PGAP1: variants seen among roughly 807,000 people sequenced by gnomAD.
PGAP1 encodes GPI inositol-deacylase.
In PGAP1, 76 loss-of-function variants were observed where a neutral mutation model predicts 127.0. The observed-to-expected ratio is 0.60, with a 90% CI of 0.50 to 0.72. PGAP1 has a LOEUF of 0.72. PGAP1 is among the 30% of genes least tolerant of loss of function. The pLI is 0.00. For synonymous variants in PGAP1, 362 were observed against 366.5 expected (o/e 0.99, Z 0.14); for missense variants, 982 against 1,071.3 (o/e 0.92, Z 1.16).
rs746201379 is a variant in PGAP1 at position 196,881,380 on chromosome 2, A to G, written c.1273-1227T>C. Among the ~76,000 whole-genome samples the G allele has an allele frequency of 3.7e-4, 56 of 152,276 alleles. 1 individual carries two copies. Among genetic ancestry groups the G allele is most frequent in the Middle Eastern group, 3.4e-3 (1 of 294 alleles). On this transcript the variant is annotated intron_variant, in intron 12 of 26. Transcript: ENST00000354764. ...ATGCTTTATATTCCTTTGGGTATAC[A>G]CCCAGTAATGGGATTACTAGGTCAA...
chr2:196,844,854 C>T (rs1198848201), intron 23 of PGAP1, among the ~76,000 whole-genome samples: 1 of 151,958 alleles, frequency 6.6e-6, no homozygotes, highest in African/African-American at 2.4e-5. Flanking sequence ...CAGGATATAC[C>T]GCTATACCTT....
intron 20 of PGAP1, among the ~76,000 whole-genome samples, chr2:196,851,238 T>C (rs1232569930): frequency 6.6e-6 from 1 of 151,954 alleles, no homozygotes; most frequent in East Asian, 1.9e-4. Flanking sequence ...CTCATGCTTG[T>C]ATACATAATA....
At chr2:196,911,799 T>A (rs1702830786) in intron 4 of PGAP1, among the ~76,000 whole-genome samples, 1 of 152,146 alleles carries the variant, frequency 6.6e-6, no homozygotes, top group African/African-American at 2.4e-5. Flanking sequence ...CATTTAATTC[T>A]TATTCTGTGA....
chr2:196,915,939 A>G (rs1450503251), intron 3 of PGAP1, among the ~76,000 whole-genome samples: 1 of 152,132 alleles, frequency 6.6e-6, no homozygotes, highest in African/African-American at 2.4e-5. Flanking sequence ...TACTTGCCCC[A>G]TAGTCTGGAA....
rs1364192556 is a variant in PGAP1 at position 196,902,701 on chromosome 2, G to A, written c.691C>T (p.Arg231Ter). The part of the protein sequence containing the change: ...TVNNYWILNA[R>*]HINLTTLSVA... The stretch of plus-strand genomic sequence containing the variant: ...GAAAGTGTGGTTAAATTTATGTGTC[G>A]AGCATTTAGAATCCAATAGTTGTTT... Residue 231 changes from arginine to a stop codon, truncating the protein, a stop_gained, in exon 5 of 27, where the codon CGA (arginine) becomes TGA (stop). Coordinates refer to ENST00000354764, the MANE Select transcript of PGAP1 (RefSeq NM_024989.4). LOFTEE classifies it high-confidence loss of function. 3 of 1,611,716 alleles carry A rather than the reference G, an allele frequency of 1.9e-6. No homozygotes were observed. The highest frequency in any genetic ancestry group is 1.7e-6 in the Non-Finnish European group (2 of 1,178,326).
chr2:196,879,142 T>C (rs537667973), intron 13 of PGAP1, among the ~76,000 whole-genome samples: 14 of 152,136 alleles, frequency 9.2e-5, no homozygotes, highest in Non-Finnish European at 2.1e-4. Flanking sequence ...GGCATAATCA[T>C]AGCATACTAC....
At position 196,875,822 on chromosome 2, in the gene PGAP1, C is replaced by A; in HGVS notation, c.1351-1G>T. 1 of 1,394,590 alleles carries A rather than the reference C, an allele frequency of 7.2e-7. No homozygotes were observed. Among genetic ancestry groups the A allele is most frequent in the Admixed American group, 1.8e-5 (1 of 56,208 alleles). 86.4% of individuals were successfully genotyped at this position (1,394,590 alleles called of 1,614,324 possible). On this transcript the variant is annotated splice_acceptor_variant, in intron 13 of 26. Transcript: ENST00000354764. LOFTEE classifies it high-confidence loss of function. Reference sequence around the variant, plus strand: ...TAAAGAATTCACAATCTACAACAAACTGAAATATAAAACATTGATTTATTA... The same window carrying A: ...TAAAGAATTCACAATCTACAACAAAATGAAATATAAAACATTGATTTATTA...
At chr2:196,846,917 G>T in intron 22 of PGAP1, 86 bp downstream of exon 22, 1 of 1,151,744 alleles carries the variant, frequency 8.7e-7, no homozygotes, top group Non-Finnish European at 1.2e-6. Context: ...AAATAGTTTA[G>T]TAAAAATAAT....
At position 196,858,104 on chromosome 2, in the gene PGAP1, A is replaced by T. The variant is rs186190593; in HGVS notation, c.1861+6883T>A. Among the ~76,000 whole-genome samples the T allele has an allele frequency of 4.3e-3, 653 of 152,208 alleles. 4 individuals are homozygous for T. Among genetic ancestry groups the T allele is most frequent in the African/African-American group, 0.014 (588 of 41,526 alleles). On this transcript the variant is annotated intron_variant, in intron 20 of 26. Coordinates refer to ENST00000354764, the MANE Select transcript of PGAP1 (RefSeq NM_024989.4). Reference sequence around the variant, plus strand: ...TTGAAAACTCTTTAAAATTTTTTTTAAAAAATTTGACTCCTGGCTGGGTGT... The same window carrying T: ...TTGAAAACTCTTTAAAATTTTTTTTTAAAAATTTGACTCCTGGCTGGGTGT...
At chr2:196,901,520 T>C (rs1702489805) in intron 5 of PGAP1, among the ~76,000 whole-genome samples, 2 of 152,228 alleles carry the variant, frequency 1.3e-5, no homozygotes, top group African/African-American at 4.8e-5. Context: ...GACTACATTC[T>C]ATGCATCTTC....
At position 196,885,486 on chromosome 2, in the gene PGAP1, A is replaced by C. The variant is rs1260074658; in HGVS notation, c.1221-11T>G. 6.4e-7 allele frequency: 1 copy of C among 1,565,308 alleles called. No individual in the cohort carries two copies. Among genetic ancestry groups the C allele is most frequent in the African/African-American group, 1.4e-5 (1 of 73,152 alleles). On this transcript the variant is annotated splice_polypyrimidine_tract_variant and intron_variant, in intron 11 of 26. Coordinates refer to ENST00000354764, the MANE Select transcript of PGAP1 (RefSeq NM_024989.4). The stretch of plus-strand genomic sequence containing the variant: ...TCAACCCCTTGCAGGCTTTGAAATA[A>C]ATATGAAAATATAATTAAAGGACAA...
chr2:196,900,725 A>G (rs531758426), intron 5 of PGAP1, among the ~76,000 whole-genome samples: 1 of 152,310 alleles, frequency 6.6e-6, no homozygotes, highest in South Asian at 2.1e-4. Context: ...GGAGATCGAG[A>G]CCATCCTGGC....
intron 1 of PGAP1, among the ~76,000 whole-genome samples, chr2:196,925,568 A>G (rs1703331796): frequency 6.6e-6 from 1 of 152,206 alleles, no homozygotes. Flanking sequence ...CTAGTCATGA[A>G]TGAAATTCTA....
chr2:196,880,348 A>G (rs1424444030), intron 12 of PGAP1, among the ~76,000 whole-genome samples, 195 bp from the exon 13 acceptor site: 2 of 152,098 alleles, frequency 1.3e-5, no homozygotes, highest in South Asian at 2.1e-4. Context: ...GTTCCTAATA[A>G]TTATTATGTT....
rs1451075228 is a variant in PGAP1 at position 196,837,113 on chromosome 2, C to T, written c.*4121G>A. On this transcript the variant is annotated 3_prime_UTR_variant, in exon 27 of 27. Transcript: ENST00000354764. ...CATTATGCTAATTTGGACCTAACAC[C>T]TAAAATGAAAATGTGGGTCAACTGA... 1 of 152,160 alleles carries T rather than the reference C, an allele frequency of 6.6e-6. No individual in the cohort carries two copies. Among genetic ancestry groups the T allele is most frequent in the Non-Finnish European group, 1.5e-5 (1 of 68,008 alleles). 9.4% of individuals were successfully genotyped at this position (152,160 alleles called of 1,614,324 possible).
At chr2:196,917,011 T>C (rs574060289) in intron 2 of PGAP1, among the ~76,000 whole-genome samples, 3 of 152,162 alleles carry the variant, frequency 2.0e-5, no homozygotes, top group Non-Finnish European at 4.4e-5. Context: ...GATTTGTCTT[T>C]TTCTCCTACA....
intron 20 of PGAP1, 53 bp downstream of exon 20, chr2:196,864,934 T>A: frequency 1.0e-6 from 1 of 979,068 alleles, no homozygotes; most frequent in African/African-American, 1.7e-5. Context: ...CTAATAGTCA[T>A]TCTACTTTAA....
intron 20 of PGAP1, among the ~76,000 whole-genome samples, chr2:196,863,899 T>C (rs1701151779): frequency 6.6e-6 from 1 of 152,056 alleles, no homozygotes; most frequent in African/African-American, 2.4e-5. Flanking sequence ...GTTAATAATT[T>C]ATTGTATATT....
chr2:196,902,019 C>CT (rs1278427358), intron 5 of PGAP1, among the ~76,000 whole-genome samples: 1 of 151,842 alleles, frequency 6.6e-6, no homozygotes, highest in South Asian at 2.1e-4. Context: ...TTTGTACTTA[C>CT]TTTTTTTTGT....
Sources: allele counts gnomAD v4.1 joint callset (sites outside exome capture counted in the v4.1 genomes callset), GRCh38; gene constraint gnomAD v4.1.1; transcripts MANE v1.5; gene names NCBI Gene and HGNC (gene_info 2026-07-23, HGNC 2026-07-21).